Variants in UTP20 observed in about 807,000 individuals in gnomAD.
The protein encoded by UTP20 is small subunit processome component 20 homolog.
In UTP20, 164 loss-of-function variants were observed where a neutral mutation model predicts 329.5. The ratio of observed to expected loss-of-function variants is 0.50; its 90% CI spans 0.44 to 0.57. The LOEUF (loss-of-function observed/expected upper bound fraction) is 0.57, where lower values mean the gene tolerates loss of function less well. Ranked by LOEUF, UTP20 falls within the 20% of genes least tolerant of loss-of-function variation. UTP20 has a pLI of 0.00. For synonymous variants in UTP20, 1,151 were observed against 1,159.3 expected (o/e 0.99, Z 0.14); for missense variants, 3,055 against 3,284.2 (o/e 0.93, Z 1.71).
chr12:101,317,705 G>C, intron 22 of UTP20, 42 bp downstream of exon 22: 2 of 1,550,636 alleles, frequency 1.3e-6, no homozygotes, highest in Non-Finnish European at 1.7e-6. Context: ...CCACAGTTCT[G>C]GGAGGAACAG....
At chr12:101,321,209 G>C (rs188025356) in intron 24 of UTP20, among the ~76,000 whole-genome samples, 6 of 152,064 alleles carry the variant, frequency 3.9e-5, no homozygotes, top group African/African-American at 1.4e-4. Context: ...GAATCTTGGT[G>C]GTTACTTAGA....
At position 101,329,262 on chromosome 12, in the gene UTP20, T is replaced by C. The variant is rs2137266716; in HGVS notation, c.3230T>C (p.Ile1077Thr). 2 of 1,614,196 alleles carry C rather than the reference T, an allele frequency of 1.2e-6. No individual in the cohort carries two copies. Among genetic ancestry groups the C allele is most frequent in the Non-Finnish European group, 1.7e-6 (2 of 1,180,028 alleles). The change falls in exon 27 of 62, where the codon ATT (isoleucine) becomes ACT (threonine). Residue 1077 changes from isoleucine (I) to threonine (T), a missense_variant. Coordinates refer to ENST00000261637, the MANE Select transcript of UTP20 (RefSeq NM_014503.3). ...FKNGECHSAVIQAVEDLDLSK... is the reference protein window; with the variant it reads ...FKNGECHSAVTQAVEDLDLSK... The stretch of plus-strand genomic sequence containing the variant: ...CTAGGAGAGTGCCATTCTGCAGTCA[T>C]TCAAGCAGTAGAAGACTTGGATTTG...
chr12:101,309,447 G>A (rs1211382700), intron 18 of UTP20, among the ~76,000 whole-genome samples: 1 of 152,142 alleles, frequency 6.6e-6, no homozygotes, highest in Non-Finnish European at 1.5e-5. Context: ...TCTTAATCTG[G>A]TGACAGCAAC....
intron 2 of UTP20, among the ~76,000 whole-genome samples, chr12:101,281,669 A>G (rs190305721): frequency 2.0e-5 from 3 of 152,264 alleles, no homozygotes; most frequent in Non-Finnish European, 1.5e-5. Flanking sequence ...AGTTTTAACC[A>G]TACTCTGACT....
intron 55 of UTP20, 105 bp from the exon 56 acceptor site, chr12:101,375,519 C>A: frequency 8.5e-7 from 1 of 1,179,566 alleles, no homozygotes. Flanking sequence ...GTCAGGAGTG[C>A]CGAGGGAGGT....
intron 25 of UTP20, 97 bp downstream of exon 25, chr12:101,321,726 T>C (rs926422709): frequency 2.1e-6 from 3 of 1,420,056 alleles, no homozygotes; most frequent in Non-Finnish European, 2.8e-6. Flanking sequence ...TAATAGAATA[T>C]TTCATTTTCT....
chr12:101,364,820 G>T (rs976962222), intron 45 of UTP20, among the ~76,000 whole-genome samples: 13 of 152,066 alleles, frequency 8.5e-5, no homozygotes, highest in Admixed American at 2.0e-4. Flanking sequence ...GCATTTTCAG[G>T]ATGAAAAAGA....
intron 29 of UTP20, among the ~76,000 whole-genome samples, chr12:101,335,148 G>A (rs1485997299): frequency 6.6e-6 from 1 of 152,150 alleles, no homozygotes; most frequent in Non-Finnish European, 1.5e-5. Context: ...AGAGCAGGGA[G>A]AGGAGACTTT....
At position 101,356,699 on chromosome 12, in the gene UTP20, T is replaced by C; in HGVS notation, c.5534+6T>C. ...ATGGAAGCTAATCTGCCAAGGTATG[T>C]TTTTTAACAAATTAGAAGTTTAGTG... On this transcript the variant is annotated splice_donor_region_variant and intron_variant, in intron 42 of 61. Coordinates refer to ENST00000261637, the MANE Select transcript of UTP20 (RefSeq NM_014503.3). The C allele has an allele frequency of 6.3e-7, 1 of 1,599,590 alleles. No homozygotes were observed. Among genetic ancestry groups the C allele is most frequent in the African/African-American group, 1.3e-5 (1 of 74,210 alleles).
chr12:101,329,162 G>T, intron 26 of UTP20, 79 bp from the exon 27 acceptor site: 2 of 1,248,970 alleles, frequency 1.6e-6, no homozygotes. Context: ...TAAGGGAAAT[G>T]GAAATAAAAC....
chr12:101,385,149 A>C lies in UTP20; in HGVS notation c.8057-434A>C, dbSNP rs112385475. On this transcript the variant is annotated intron_variant, in intron 60 of 61. Coordinates refer to ENST00000261637, the MANE Select transcript of UTP20 (RefSeq NM_014503.3). ...GGGCAGAGCTAAGCCTCTGTGACCCATCATGGATTAGAGAGGGAATCTCTT... is the reference window on the plus strand; with the variant it reads ...GGGCAGAGCTAAGCCTCTGTGACCCCTCATGGATTAGAGAGGGAATCTCTT... Among the ~76,000 whole-genome samples the C allele has an allele frequency of 3.9e-3, 592 of 151,172 alleles. 5 individuals carry two copies. The highest frequency in any genetic ancestry group is 0.014 in the African/African-American group (558 of 41,234).
Position 101,346,591 on chromosome 12 carries a change from A to G in UTP20, c.4884+3A>G. ...TTTTTGATGAGAAAATGCTCAAGGT[A>G]GGTCATTAGATCTAGAAACCAAGGA... On this transcript the variant is annotated splice_donor_region_variant and intron_variant, in intron 38 of 61. Coordinates refer to ENST00000261637, the MANE Select transcript of UTP20 (RefSeq NM_014503.3). 1 of 1,579,780 alleles carries G rather than the reference A, an allele frequency of 6.3e-7. No homozygotes were observed. Among genetic ancestry groups the G allele is most frequent in the Non-Finnish European group, 8.6e-7 (1 of 1,166,842 alleles).
intron 40 of UTP20, among the ~76,000 whole-genome samples, chr12:101,353,538 A>G (rs1475804103): frequency 6.6e-6 from 1 of 152,190 alleles, no homozygotes; most frequent in Non-Finnish European, 1.5e-5. Context: ...TAAGTATTTG[A>G]AAAGATTATA....
chr12:101,380,660 C>T (rs145184953), intron 57 of UTP20, among the ~76,000 whole-genome samples: 2,120 of 151,862 alleles, frequency 0.014, 26 homozygotes, highest in East Asian at 0.078. Context: ...GTCAGGAGTT[C>T]GAGACCAGCC....
Position 101,305,937 on chromosome 12 carries a change from G to A in UTP20, c.1804G>A (p.Val602Met), listed in dbSNP as rs1464041545. The change falls in exon 16 of 62, where the codon GTG (valine) becomes ATG (methionine). Residue 602 changes from valine to methionine, a missense_variant. Val to Met is a conservative substitution (Grantham distance 21, BLOSUM62 1). Coordinates refer to ENST00000261637, the MANE Select transcript of UTP20 (RefSeq NM_014503.3). ...LVLTFPLEPS[V>M]LLLTDLYYQR... ...CAGAACCTTTCCCCTGGAGCCATCT[G>A]TGTTGCTGTTGACTGATCTCTATTA... 6.2e-7 allele frequency: 1 copy of A among 1,609,908 alleles called. No individual in the cohort carries two copies. The highest frequency in any genetic ancestry group is 1.3e-5 in the African/African-American group (1 of 74,746).
intron 12 of UTP20, among the ~76,000 whole-genome samples, chr12:101,297,626 A>T (rs1872399351): frequency 6.6e-6 from 1 of 152,236 alleles, no homozygotes; most frequent in Non-Finnish European, 1.5e-5. Context: ...CTGATTCCTG[A>T]GGAATGGGTA....
At chr12:101,351,104 G>C (rs1869503483) in intron 38 of UTP20, among the ~76,000 whole-genome samples, 2 of 151,120 alleles carry the variant, frequency 1.3e-5, no homozygotes, top group Admixed American at 1.3e-4. Flanking sequence ...TGATATCCAA[G>C]ATTTGGAAAC....
intron 49 of UTP20, 71 bp downstream of exon 49, chr12:101,369,962 C>T: frequency 1.3e-6 from 2 of 1,489,648 alleles, no homozygotes; most frequent in Non-Finnish European, 1.8e-6. Flanking sequence ...ACCTATAATC[C>T]CAGCACTTTG....
chr12:101,309,886 C>A lies in UTP20; in HGVS notation c.2231+47C>A, dbSNP rs200175662. 8.5e-6 allele frequency: 13 copies of A among 1,530,120 alleles called. No homozygotes were observed. In the East Asian group the frequency reaches 2.3e-4, roughly 27 times the overall value. 94.8% of individuals were successfully genotyped at this position (1,530,120 alleles called of 1,614,324 possible). ...TGAAACTATTATACTTTAACTACTG[C>A]AGAATGATGGGGCCCAGATTATTCT... On this transcript the variant is annotated intron_variant, in intron 19 of 61. Transcript: ENST00000261637.
Sources: gnomAD v4.1 joint callset for allele counts (sites outside exome capture counted in the v4.1 genomes callset) on GRCh38, gnomAD v4.1.1 for gene constraint, MANE v1.5 for transcripts, NCBI Gene and HGNC (gene_info 2026-07-23, HGNC 2026-07-21) for gene names.